Variants in MEX3C observed in about 807,000 individuals in gnomAD.
MEX3C encodes the protein RNA-binding E3 ubiquitin-protein ligase MEX3C.
A neutral mutation model predicts 35.5 loss-of-function variants in MEX3C; 15 were observed. That is an observed-to-expected ratio of 0.42 (90% confidence interval 0.28 to 0.65). The LOEUF (loss-of-function observed/expected upper bound fraction) is 0.65, where lower values mean the gene tolerates loss of function less well. Ranked by LOEUF, MEX3C falls within the 30% of genes least tolerant of loss-of-function variation. MEX3C has a pLI of 0.20. For synonymous variants in MEX3C, 390 were observed against 352.8 expected (o/e 1.11, Z -1.18); for missense variants, 711 against 842.8 (o/e 0.84, Z 1.94).
chr18:51,197,492 G>C lies in MEX3C; in HGVS notation c.-172C>G, dbSNP rs1912847237. On this transcript the variant is annotated 5_prime_UTR_variant, in exon 1 of 2. Coordinates refer to ENST00000406189, the MANE Select transcript of MEX3C (RefSeq NM_016626.5). ...GAGCGCCAGGGCCGCCCGGAGACCG[G>C]AGAGGGCGGGGTGGAGGGGCAGGGG... 6.8e-6 allele frequency among the ~76,000 whole-genome samples: 1 copy of C among 147,980 alleles called. No individual in the cohort carries two copies. The highest frequency in any genetic ancestry group is 2.5e-5 in the African/African-American group (1 of 40,612).
chr18:51,182,053 C>G (rs1361830104), intron 1 of MEX3C, among the ~76,000 whole-genome samples: 1 of 152,104 alleles, frequency 6.6e-6, no homozygotes, highest in South Asian at 2.1e-4. Context: ...CAGGTGGGTA[C>G]AGTACAGAAT....
rs1357677190 is a variant in MEX3C at position 51,197,513 on chromosome 18, A to T, written c.-193T>A. Among the ~76,000 whole-genome samples, 20 of 42,684 alleles carry T rather than the reference A, an allele frequency of 4.7e-4. No homozygotes were observed. Among genetic ancestry groups the T allele is most frequent in the Non-Finnish European group, 1.4e-4 (3 of 22,028 alleles). 28.0% of individuals were successfully genotyped at this position (42,684 alleles called of 152,430 possible). A position where few individuals can be genotyped will look rare whatever the true frequency, so the allele number is the denominator to read the frequency against. Reference sequence around the variant, plus strand: ...ACCGGAGAGGGCGGGGTGGAGGGGCAGGGGAAGGAGGCAGAGGTAGGTAAC... The same window carrying T: ...ACCGGAGAGGGCGGGGTGGAGGGGCTGGGGAAGGAGGCAGAGGTAGGTAAC... On this transcript the variant is annotated 5_prime_UTR_variant, in exon 1 of 2. Coordinates refer to ENST00000406189, the MANE Select transcript of MEX3C (RefSeq NM_016626.5).
In MEX3C at chr18:51,197,240, C is replaced by CGGT. The variant is rs1912834160; in HGVS notation, c.80_81insACC (p.Pro31dup). The stretch of plus-strand genomic sequence containing the variant: ...AGGGCGGCGGCAGAGGCGGCGGTGG[C>CGGT]GGCGGCGGCGGCGGGGGCGGCTGCG... On this transcript the variant is annotated inframe_insertion, in exon 1 of 2. Coordinates refer to ENST00000406189, the MANE Select transcript of MEX3C (RefSeq NM_016626.5). 1.1e-6 allele frequency: 1 copy of CGGT among 921,118 alleles called. No individual in the cohort carries two copies. Among genetic ancestry groups the CGGT allele is most frequent in the Non-Finnish European group, 1.3e-6 (1 of 773,246 alleles). The allele number at this position is 921,118 out of a possible 1,614,324, so 57.1% of individuals were successfully genotyped here. A position where few individuals can be genotyped will look rare whatever the true frequency, so the allele number is the denominator to read the frequency against.
intron 1 of MEX3C, 196 bp downstream of exon 1, chr18:51,196,371 G>T (rs1283251728): frequency 7.9e-7 from 1 of 1,261,326 alleles, no homozygotes; most frequent in African/African-American, 1.6e-5. Context: ...TACCAGGCAA[G>T]ACGGGCGGAA....
rs572047116 is a variant in MEX3C at position 51,187,136 on chromosome 18, C to G, written c.754+9431G>C. On this transcript the variant is annotated intron_variant, in intron 1 of 1. Coordinates refer to ENST00000406189, the MANE Select transcript of MEX3C (RefSeq NM_016626.5). ...CCCACCTTCTCCCAGACTTCATCCC[C>G]CAAACATGTCTTGTTCCTCTTCTAT... Among the ~76,000 whole-genome samples, 4 of 152,302 alleles carry G rather than the reference C, an allele frequency of 2.6e-5. No homozygotes were observed. In the South Asian group the frequency reaches 8.3e-4, roughly 32 times the overall value.
chr18:51,176,756 A>G lies in MEX3C; in HGVS notation c.1575T>C (p.Asp525=), dbSNP rs750855886. ...PVNPLSGFGS[D]PSGNMKTQRR... ...GCTGAGTCTTCATGTTACCAGAAGG[A>G]TCACTCCCAAAGCCAGAGAGTGGGT... Residue 525 remains aspartate, a synonymous_variant, in exon 2 of 2, where the codon GAT becomes GAC. Transcript: ENST00000406189. 8.5e-5 allele frequency: 137 copies of G among 1,613,884 alleles called. No individual in the cohort carries two copies. The highest frequency in any genetic ancestry group is 1.2e-4 in the Non-Finnish European group (136 of 1,179,896).
intron 1 of MEX3C, among the ~76,000 whole-genome samples, chr18:51,188,657 A>G (rs906900892): frequency 5.9e-5 from 9 of 152,170 alleles, no homozygotes; most frequent in African/African-American, 2.2e-4. Context: ...GAAAACCCCA[A>G]TTAAAACAAT....
In MEX3C at chr18:51,175,486, A is replaced by G. The variant is rs1184017905; in HGVS notation, c.*865T>C. ...TAAAAATATATTTATAATGTGCAAG[A>G]CAAATATGGATTGAACATAAAATGT... On this transcript the variant is annotated 3_prime_UTR_variant, in exon 2 of 2. Transcript: ENST00000406189. 1 of 152,674 alleles carries G rather than the reference A, an allele frequency of 6.5e-6. No individual in the cohort carries two copies. Among genetic ancestry groups the G allele is most frequent in the African/African-American group, 2.4e-5 (1 of 41,458 alleles). The allele number at this position is 152,674 out of a possible 1,614,324, so 9.5% of individuals were successfully genotyped here.
chr18:51,196,676 GGCC>G lies in MEX3C; in HGVS notation c.642_644del (p.Ala216del). ...GGGCCGCCTGCTCCCCGTTCAGGGC[GGCC>G]GCCGCCGCCCCACAACCGCCGGGGC... On this transcript the variant is annotated inframe_deletion, in exon 1 of 2. Coordinates refer to ENST00000406189, the MANE Select transcript of MEX3C (RefSeq NM_016626.5). 1.3e-6 allele frequency: 2 copies of G among 1,547,276 alleles called. No individual in the cohort carries two copies. Among genetic ancestry groups the G allele is most frequent in the Non-Finnish European group, 8.7e-7 (1 of 1,151,862 alleles).
At chr18:51,192,631 A>C (rs373543859) in intron 1 of MEX3C, among the ~76,000 whole-genome samples, 4 of 152,294 alleles carry the variant, frequency 2.6e-5, no homozygotes, top group African/African-American at 9.6e-5. Context: ...TTAGGGCACA[A>C]GTTAATCCAA....
intron 1 of MEX3C, among the ~76,000 whole-genome samples, chr18:51,178,226 T>C (rs1050937033): frequency 6.6e-6 from 1 of 152,220 alleles, no homozygotes; most frequent in Non-Finnish European, 1.5e-5. Context: ...ATGTGGGTGC[T>C]GGGTGTGGTT....
chr18:51,175,415 A>T lies in MEX3C; in HGVS notation c.*936T>A, dbSNP rs1027252326. ...TGCTTTTGTGAATTATGCCAAGGGC[A>T]TCATTATCCCTTTCTCCCTCCTCCC... On this transcript the variant is annotated 3_prime_UTR_variant, in exon 2 of 2. Coordinates refer to ENST00000406189, the MANE Select transcript of MEX3C (RefSeq NM_016626.5). 2 of 152,666 alleles carry T rather than the reference A, an allele frequency of 1.3e-5. No homozygotes were observed. Among genetic ancestry groups the T allele is most frequent in the African/African-American group, 4.8e-5 (2 of 41,454 alleles). 9.5% of individuals were successfully genotyped at this position (152,666 alleles called of 1,614,324 possible).
chr18:51,182,093 C>G (rs145741663), intron 1 of MEX3C, among the ~76,000 whole-genome samples: 1 of 152,122 alleles, frequency 6.6e-6, no homozygotes, highest in Non-Finnish European at 1.5e-5. Context: ...AGTAAGACCA[C>G]GTTCACCAAC....
Position 51,176,132 on chromosome 18 carries a change from A to C in MEX3C, c.*219T>G. Reference sequence around the variant, plus strand: ...TAAACTATGTCTCTGGGTCTACAGGATAGTACTAATAATTCAAACCAAACT... The same window carrying C: ...TAAACTATGTCTCTGGGTCTACAGGCTAGTACTAATAATTCAAACCAAACT... On this transcript the variant is annotated 3_prime_UTR_variant, in exon 2 of 2. Transcript: ENST00000406189. 2.1e-6 allele frequency: 1 copy of C among 479,130 alleles called. No homozygotes were observed. The allele number at this position is 479,130 out of a possible 1,614,324, so 29.7% of individuals were successfully genotyped here.
chr18:51,178,386 T>G (rs1429100545), intron 1 of MEX3C, among the ~76,000 whole-genome samples: 1 of 152,104 alleles, frequency 6.6e-6, no homozygotes, highest in Admixed American at 6.5e-5. Context: ...TTTTTTTTTT[T>G]TTTTGAGTAA....
chr18:51,184,158 T>C (rs1912486048), intron 1 of MEX3C, among the ~76,000 whole-genome samples: 1 of 152,150 alleles, frequency 6.6e-6, no homozygotes, highest in African/African-American at 2.4e-5. Context: ...AGCTGTGAGC[T>C]AGAAGGAAAA....
rs1028730518 is a variant in MEX3C, at chr18:51,196,552, C to A, written c.754+15G>T. The A allele has an allele frequency of 1.9e-6, 3 of 1,565,194 alleles. No homozygotes were observed. Among genetic ancestry groups the A allele is most frequent in the Non-Finnish European group, 2.6e-6 (3 of 1,163,298 alleles). On this transcript the variant is annotated intron_variant, in intron 1 of 1. Coordinates refer to ENST00000406189, the MANE Select transcript of MEX3C (RefSeq NM_016626.5). ...GGGGCCATGCCCAGCTGGACCTCCC[C>A]ACCCCTGCACTCACCCTGGCGGCCG...
rs774654188 is a variant in MEX3C, at chr18:51,175,292, A to G, written c.*1059T>C. ...ACATACTGAGGATGAAGTTATAGAC[A>G]TCCACAGGTGAAATGTACGAGTATA... On this transcript the variant is annotated 3_prime_UTR_variant, in exon 2 of 2. Transcript: ENST00000406189. The G allele has an allele frequency of 3.2e-4, 49 of 152,760 alleles. No homozygotes were observed. Among genetic ancestry groups the G allele is most frequent in the African/African-American group, 1.1e-3 (47 of 41,576 alleles). The allele number at this position is 152,760 out of a possible 1,614,324, so 9.5% of individuals were successfully genotyped here. A position where few individuals can be genotyped will look rare whatever the true frequency, so the allele number is the denominator to read the frequency against.
intron 1 of MEX3C, among the ~76,000 whole-genome samples, chr18:51,182,124 A>G (rs539782486): frequency 2.0e-5 from 3 of 152,226 alleles, no homozygotes; most frequent in Non-Finnish European, 4.4e-5. Context: ...GTATATTGTT[A>G]TAAGTCTTCT....
Sources: gnomAD v4.1 joint callset for allele counts (sites outside exome capture counted in the v4.1 genomes callset) on GRCh38, gnomAD v4.1.1 for gene constraint, MANE v1.5 for transcripts, NCBI Gene and HGNC (gene_info 2026-07-23, HGNC 2026-07-21) for gene names.